Variants in SPAG1 observed in about 807,000 individuals in gnomAD.
The protein encoded by SPAG1 is sperm associated antigen 1.
SPAG1 carries 69 observed loss-of-function variants against 100.5 expected under a neutral mutation model. That is an observed-to-expected ratio of 0.69 (90% CI 0.57 to 0.84). The LOEUF is 0.84. Ranked by LOEUF, SPAG1 falls within the 40% of genes least tolerant of loss-of-function variation. The probability of loss-of-function intolerance (pLI) is 0.00; values close to 1 mark genes in which losing one functional copy is unlikely to be tolerated. For missense variants in SPAG1, 955 were observed against 1,133.1 expected (o/e 0.84, Z 2.26); for synonymous variants, 336 against 411.6 (o/e 0.82, Z 2.22).
At chr8:100,207,454 C>T (rs1817557361) in intron 10 of SPAG1, among the ~76,000 whole-genome samples, 1 of 152,208 alleles carries the variant, frequency 6.6e-6, no homozygotes, top group South Asian at 2.1e-4. Flanking sequence ...GCAGGCATCA[C>T]CCAAAAGTGG....
chr8:100,189,037 T>C (rs1816700176), intron 8 of SPAG1, among the ~76,000 whole-genome samples: 1 of 152,142 alleles, frequency 6.6e-6, no homozygotes, highest in South Asian at 2.1e-4. Flanking sequence ...CTGTTAATTT[T>C]AACAAAACTC....
intron 12 of SPAG1, among the ~76,000 whole-genome samples, chr8:100,215,197 C>T (rs35665221): frequency 3.3e-5 from 5 of 151,686 alleles, no homozygotes; most frequent in East Asian, 3.9e-4. Context: ...CCTCTGGTGT[C>T]CTCTGAGGAA....
At position 100,213,421 on chromosome 8, in the gene SPAG1, G is replaced by C; in HGVS notation, c.1428G>C (p.Glu476Asp). ...GKYSAAIALL[E>D]PAGSEIADDL... ...ACTCGGCGGCAATCGCGCTCCTGGA[G>C]CCAGCAGGTAGGTGCGCCGCGCCCC... The change falls in exon 11 of 19, where the codon GAG becomes GAC. Residue 476 changes from glutamate to aspartate, a missense_variant. By Grantham distance (45) the Glu-to-Asp change is conservative. Transcript: ENST00000388798. 7.0e-7 allele frequency: 1 copy of C among 1,418,688 alleles called. No individual in the cohort carries two copies. Among genetic ancestry groups the C allele is most frequent in the Non-Finnish European group, 9.2e-7 (1 of 1,087,384 alleles). The allele number at this position is 1,418,688 out of a possible 1,614,324, so 87.9% of individuals were successfully genotyped here. A position where few individuals can be genotyped will look rare whatever the true frequency, so the allele number is the denominator to read the frequency against.
intron 12 of SPAG1, among the ~76,000 whole-genome samples, chr8:100,218,267 A>T (rs890289319): frequency 1.3e-5 from 2 of 152,156 alleles, no homozygotes; most frequent in Non-Finnish European, 2.9e-5. Context: ...ATTTCCATTC[A>T]TAAGTTCATA....
chr8:100,191,278 G>T (rs961596257), intron 8 of SPAG1, 112 bp from the exon 9 acceptor site: 20 of 662,258 alleles, frequency 3.0e-5, no homozygotes, highest in Non-Finnish European at 5.0e-5. Context: ...TGAGCTTTGG[G>T]TAATTACATC....
intron 8 of SPAG1, among the ~76,000 whole-genome samples, chr8:100,189,926 A>AT (rs1483176484): frequency 1.3e-5 from 2 of 152,216 alleles, no homozygotes; most frequent in Non-Finnish European, 2.9e-5. Flanking sequence ...TCTCATTTAG[A>AT]TTTTCATAGC....
chr8:100,182,616 T>C (rs765771863), intron 4 of SPAG1, among the ~76,000 whole-genome samples: 3 of 152,218 alleles, frequency 2.0e-5, no homozygotes, highest in Non-Finnish European at 4.4e-5. Flanking sequence ...AGTTTAGTTA[T>C]ATAAGCTGAT....
chr8:100,212,822 C>T (rs546603503), intron 10 of SPAG1, among the ~76,000 whole-genome samples: 5 of 152,358 alleles, frequency 3.3e-5, no homozygotes, highest in Non-Finnish European at 7.3e-5. Context: ...ACAGGCCCTT[C>T]AGCGCTTAAA....
Position 100,239,304 on chromosome 8 carries a change from CA to C in SPAG1, c.2183del (p.Lys728ArgfsTer7). On this transcript the variant is annotated frameshift_variant, in exon 17 of 19. Coordinates refer to ENST00000388798, the MANE Select transcript of SPAG1 (RefSeq NM_003114.5). LOFTEE classifies it high-confidence loss of function. The surrounding 1 kb of genome is among the most constrained non-coding windows in gnomAD (Gnocchi z 5.0). ...VILLDPSIIE[A>X]KMELEEVTRL... is the part of the protein sequence containing the mutation. ...CTACTAGATCCAAGTATTATTGAGG[CA>C]AAGATGGAACTGGAAGAGGTAACTA... 6.4e-7 allele frequency: 1 copy of C among 1,554,064 alleles called. No individual in the cohort carries two copies. Among genetic ancestry groups the C allele is most frequent in the Non-Finnish European group, 8.7e-7 (1 of 1,151,216 alleles).
chr8:100,215,770 C>T (rs989214049), intron 12 of SPAG1, among the ~76,000 whole-genome samples: 4 of 152,304 alleles, frequency 2.6e-5, no homozygotes, highest in African/African-American at 4.8e-5. Context: ...GTGATCCACC[C>T]GCCTCGGCCT....
At chr8:100,198,136 G>A (rs1008069758) in intron 10 of SPAG1, among the ~76,000 whole-genome samples, 1 of 152,078 alleles carries the variant, frequency 6.6e-6, no homozygotes, top group Non-Finnish European at 1.5e-5. Context: ...CAGTGCTGTT[G>A]GTGTTGCTAC....
rs1338528914 is a variant in SPAG1 at position 100,179,080 on chromosome 8, C to A, written c.426+1139C>A. 3.0e-4 allele frequency among the ~76,000 whole-genome samples: 41 copies of A among 135,778 alleles called. 1 individual carries two copies. The highest frequency in any genetic ancestry group is 5.1e-4 in the Admixed American group (7 of 13,626). The allele number at this position is 135,778 out of a possible 152,430, so 89.1% of individuals were successfully genotyped here. The stretch of plus-strand genomic sequence containing the variant: ...CTCTGTCTCAAAAAAAAAAAAAAAA[C>A]CACAAAAACAAACAAAAAAACTCTG... On this transcript the variant is annotated intron_variant, in intron 4 of 18. Transcript: ENST00000388798.
chr8:100,192,725 T>C lies in SPAG1; in HGVS notation c.939+1229T>C, dbSNP rs368347792. 1.6e-4 allele frequency among the ~76,000 whole-genome samples: 24 copies of C among 152,284 alleles called. No homozygotes were observed. The East Asian group carries it at 3.7e-3, about 23-fold the overall frequency. On this transcript the variant is annotated intron_variant, in intron 9 of 18. Transcript: ENST00000388798. ...CTGGCTTAGTATTTCCTTTTTGTAA[T>C]GGTTATGTTTATTTATTTTTGAGAC... is the stretch of plus-strand genomic sequence containing the variant.
intron 16 of SPAG1, among the ~76,000 whole-genome samples, chr8:100,235,251 T>G (rs1818952901): frequency 6.6e-6 from 1 of 152,164 alleles, no homozygotes; most frequent in Admixed American, 6.5e-5. Flanking sequence ...CATCTTGGAC[T>G]AGGTAGGGCC....
chr8:100,202,591 T>C (rs2514678), intron 10 of SPAG1, among the ~76,000 whole-genome samples: 46,835 of 149,064 alleles, frequency 0.31, 8,179 homozygotes, highest in East Asian at 0.51. Context: ...GCGCCTGTAG[T>C]CCCAGCTACT....
At chr8:100,164,763 T>C (rs1815475444) in intron 2 of SPAG1, among the ~76,000 whole-genome samples, 1 of 152,202 alleles carries the variant, frequency 6.6e-6, no homozygotes, top group South Asian at 2.1e-4. Flanking sequence ...CATTGATATG[T>C]TTATTGACTT....
Position 100,165,972 on chromosome 8 carries a change from A to G in SPAG1, c.299A>G (p.Lys100Arg), listed in dbSNP as rs751459515. 6.2e-7 allele frequency: 1 copy of G among 1,609,720 alleles called. No individual in the cohort carries two copies. The highest frequency in any genetic ancestry group is 1.1e-5 in the South Asian group (1 of 90,354). Reference sequence around the variant, plus strand: ...TGGGAAAAAATTGATGGTGATATAAAGGTATATAGTAATACCAATTTTCCA... The same window carrying G: ...TGGGAAAAAATTGATGGTGATATAAGGGTATATAGTAATACCAATTTTCCA... ...EEWEKIDGDIKSWVSEIKKEE... is the reference protein window; with the variant it reads ...EEWEKIDGDIRSWVSEIKKEE... The change falls in exon 3 of 19, where the codon AAG (lysine) becomes AGG (arginine). Residue 100 changes from lysine (K) to arginine (R), a missense_variant and splice_region_variant. By Grantham distance (26) the Lys-to-Arg change is conservative. Coordinates refer to ENST00000388798, the MANE Select transcript of SPAG1 (RefSeq NM_003114.5).
chr8:100,221,785 A>C (rs774831449), intron 13 of SPAG1, among the ~76,000 whole-genome samples: 1 of 152,218 alleles, frequency 6.6e-6, no homozygotes, highest in Non-Finnish European at 1.5e-5. Flanking sequence ...GAGAACATGA[A>C]GAGACCTTAA....
intron 10 of SPAG1, among the ~76,000 whole-genome samples, chr8:100,200,289 T>C (rs1817217800): frequency 6.6e-6 from 1 of 152,256 alleles, no homozygotes; most frequent in African/African-American, 2.4e-5. Flanking sequence ...TCCTTTTTTA[T>C]AGCTGCATAG....
Sources: allele counts gnomAD v4.1 joint callset (sites outside exome capture counted in the v4.1 genomes callset), GRCh38; gene constraint gnomAD v4.1.1; non-coding constraint Gnocchi (gnomAD v3.1); transcripts MANE v1.5; gene names NCBI Gene and HGNC (gene_info 2026-07-23, HGNC 2026-07-21).